CDH26: variants seen among roughly 807,000 people sequenced by gnomAD.
CDH26 encodes the protein cadherin 26, also known as cadherin-like protein 26.
Under a neutral mutation model 90.3 loss-of-function variants are expected in CDH26, and 83 were observed. The observed-to-expected ratio is 0.92, with a 90% CI of 0.77 to 1.10. CDH26 has a LOEUF of 1.10. CDH26 is among the 50% of genes least tolerant of loss of function. CDH26 has a pLI of 0.00. For synonymous variants in CDH26, 397 were observed against 396.3 expected (o/e 1.00, Z -0.02); for missense variants, 1,013 against 1,037.6 (o/e 0.98, Z 0.33).
In CDH26 at chr20:59,969,141, A is replaced by G. The variant is rs2061216443; in HGVS notation, c.126+118A>G. On this transcript the variant is annotated intron_variant, in intron 2 of 17. Transcript: ENST00000348616. ...GCCAATGTTTGGTTTGCAGAAAATA[A>G]AATAGTAACTTCATGTGGCCTTTTA... 3 of 644,468 alleles carry G rather than the reference A, an allele frequency of 4.7e-6. No individual in the cohort carries two copies. In the South Asian group the frequency reaches 6.2e-5, roughly 13 times the overall value. The allele number at this position is 644,468 out of a possible 1,614,324, so 39.9% of individuals were successfully genotyped here.
chr20:59,974,123 A>C (rs2061298582), intron 4 of CDH26, among the ~76,000 whole-genome samples: 1 of 152,014 alleles, frequency 6.6e-6, no homozygotes, highest in Non-Finnish European at 1.5e-5. Context: ...TTGTGGTTTT[A>C]ATTTTCATTT....
Position 60,031,330 on chromosome 20 carries a change from A to G in CDH26, c.1048A>G (p.Met350Val), listed in dbSNP as rs1481643692. The stretch of plus-strand genomic sequence containing the variant: ...ATTGCCACAAGACATTTACAAGGAG[A>G]TGATGCCACGGAGACTAACGCAGAC... The change falls in exon 8 of 9, where the codon ATG (methionine) becomes GTG (valine). Residue 350 changes from methionine (M) to valine (V), a missense_variant. Physicochemically the swap from Met to Val is conservative, Grantham distance 21. Transcript: ENST00000370991. 2.3e-6 allele frequency: 3 copies of G among 1,295,896 alleles called. No homozygotes were observed. The East Asian group carries it at 1.7e-4, about 75-fold the overall frequency. 80.3% of individuals were successfully genotyped at this position (1,295,896 alleles called of 1,614,324 possible).
At chr20:60,023,794 G>A (rs1371433186) in intron 7 of CDH26, among the ~76,000 whole-genome samples, 1 of 152,150 alleles carries the variant, frequency 6.6e-6, no homozygotes, top group East Asian at 1.9e-4. Flanking sequence ...AACTATATCA[G>A]TCGTAGAAAT....
rs73916224 is a variant in CDH26, at chr20:59,996,775, A to G, written c.2019+14A>G. The G allele has an allele frequency of 5.5e-4, 891 of 1,613,816 alleles. 6 individuals carry two copies. The African/African-American group carries it at 0.01, about 18-fold the overall frequency. On this transcript the variant is annotated intron_variant, in intron 13 of 17. Coordinates refer to ENST00000348616, the MANE Select transcript of CDH26 (RefSeq NM_177980.4). The stretch of plus-strand genomic sequence containing the variant: ...ACTTCAGCCCAGGTAGTGGAATGTC[A>G]TGCTTTGTGTCTTATGGCAAGGAAT...
chr20:60,033,347 T>A, intron 8 of CDH26: 1 of 1,155,736 alleles, frequency 8.7e-7, no homozygotes, highest in South Asian at 1.6e-5. Context: ...TTAACCTCCT[T>A]CGTGTACACA....
chr20:60,004,892 G>A lies in CDH26; in HGVS notation c.2221-1821G>A, dbSNP rs532273903. 2.0e-4 allele frequency among the ~76,000 whole-genome samples: 30 copies of A among 151,352 alleles called. No individual in the cohort carries two copies. The East Asian group carries it at 2.1e-3, about 11-fold the overall frequency. On this transcript the variant is annotated intron_variant, in intron 16 of 17. Transcript: ENST00000348616. ...CGGCCTGTCATTGAAATGTTATGCC[G>A]TGCATAACTGTATGTATGCATGTGT...
chr20:60,006,624 C>G (rs1601193355), intron 16 of CDH26, 89 bp from the exon 17 acceptor site: 2 of 892,834 alleles, frequency 2.2e-6, no homozygotes, highest in East Asian at 4.9e-5. Flanking sequence ...TCAGTGTGCC[C>G]CATCTATGCT....
chr20:59,993,247 C>CT (rs11438499), intron 10 of CDH26, among the ~76,000 whole-genome samples: 3,769 of 151,592 alleles, frequency 0.025, 141 homozygotes, highest in African/African-American at 0.086. Flanking sequence ...ATGATTGGTA[C>CT]TTTTTTTTTC....
chr20:60,019,364 A>C (rs1262118992), downstream of CDH26, among the ~76,000 whole-genome samples: 1 of 152,210 alleles, frequency 6.6e-6, no homozygotes, highest in Non-Finnish European at 1.5e-5. Flanking sequence ...TTTGTCACTT[A>C]ATGGTGTCCC....
Position 60,000,490 on chromosome 20 carries a change from A to C in CDH26, c.2097+827A>C, listed in dbSNP as rs79749958. On this transcript the variant is annotated intron_variant, in intron 14 of 17. Coordinates refer to ENST00000348616, the MANE Select transcript of CDH26 (RefSeq NM_177980.4). ...GGGCTGCCCTTTTCTAGTTCCTACAAACTTGCCTCCTGGGCTGGCGAGAGC... is the reference window on the plus strand; with the variant it reads ...GGGCTGCCCTTTTCTAGTTCCTACACACTTGCCTCCTGGGCTGGCGAGAGC... Among the ~76,000 whole-genome samples, 1,056 of 152,266 alleles carry C rather than the reference A, an allele frequency of 6.9e-3. 17 individuals carry two copies. Among genetic ancestry groups the C allele is most frequent in the Admixed American group, 0.027 (417 of 15,300 alleles).
chr20:60,007,041 A>T (rs1175014329), intron 17 of CDH26, among the ~76,000 whole-genome samples: 1 of 152,160 alleles, frequency 6.6e-6, no homozygotes, highest in Non-Finnish European at 1.5e-5. Context: ...TAGCTGGCAG[A>T]TGGCCACTTT....
chr20:59,997,101 C>T (rs1224260110), intron 13 of CDH26, among the ~76,000 whole-genome samples: 1 of 152,226 alleles, frequency 6.6e-6, no homozygotes, highest in African/African-American at 2.4e-5. Context: ...AAGACAGCCT[C>T]TACCACAGAG....
At chr20:60,022,283 A>G (rs1012191443) in intron 7 of CDH26, among the ~76,000 whole-genome samples, 5 of 152,254 alleles carry the variant, frequency 3.3e-5, no homozygotes, top group African/African-American at 1.2e-4. Context: ...AAACAGAAAT[A>G]GTAAATATTT....
chr20:60,025,944 T>C (rs894107902), intron 7 of CDH26, among the ~76,000 whole-genome samples: 6 of 152,334 alleles, frequency 3.9e-5, no homozygotes, highest in East Asian at 1.9e-4. Flanking sequence ...TTGAATGCTT[T>C]CAATCTACCG....
intron 1 of CDH26, among the ~76,000 whole-genome samples, chr20:59,963,252 ATTT>A (rs11086689): frequency 2.4e-5 from 3 of 122,926 alleles, no homozygotes; most frequent in Non-Finnish European, 1.6e-5. Context: ...GTAGATAAGG[ATTT>A]TTTTTTTTTT....
At position 60,012,593 on chromosome 20, in the gene CDH26, G is replaced by A. The variant is rs2061861417; in HGVS notation, c.2362G>A (p.Gly788Arg). The A allele has an allele frequency of 6.2e-7, 1 of 1,614,076 alleles. No individual in the cohort carries two copies. Among genetic ancestry groups the A allele is most frequent in the Non-Finnish European group, 8.5e-7 (1 of 1,180,040 alleles). ...CCTACCTCACGTCTACAGCGAGGAA[G>A]GGGAGTGTGGAGGGGCCCCATCCCT... ...GYLPHVYSEEGECGGAPSLSS... is the reference protein window; with the variant it reads ...GYLPHVYSEERECGGAPSLSS... The change falls in exon 18 of 18, where the codon GGG becomes AGG. Residue 788 changes from glycine (G) to arginine (R), a missense_variant. Transcript: ENST00000348616.
intron 8 of CDH26, chr20:60,031,529 GAATT>G (rs1406830113): frequency 1.9e-6 from 2 of 1,030,046 alleles, no homozygotes; most frequent in Admixed American, 5.5e-5. Flanking sequence ...TAAATCAATT[GAATT>G]AATTATTTGT....
chr20:59,975,552 C>T (rs922426801), intron 4 of CDH26, among the ~76,000 whole-genome samples: 1 of 152,116 alleles, frequency 6.6e-6, no homozygotes, highest in Admixed American at 6.5e-5. Context: ...CAGCCAGGGG[C>T]TTACACACTA....
intron 13 of CDH26, among the ~76,000 whole-genome samples, chr20:59,998,808 A>G (rs2061637168): frequency 6.6e-6 from 1 of 152,122 alleles, no homozygotes; most frequent in Non-Finnish European, 1.5e-5. Context: ...CACATGTAAA[A>G]TTTTCAGCAC....
Sources: allele counts gnomAD v4.1 joint callset (sites outside exome capture counted in the v4.1 genomes callset), GRCh38; gene constraint gnomAD v4.1.1; transcripts MANE v1.5; gene names NCBI Gene and HGNC (gene_info 2026-07-23, HGNC 2026-07-21).